Variants in USP34 observed in about 807,000 individuals in gnomAD.
USP34 encodes ubiquitin carboxyl-terminal hydrolase 34.
Under a neutral mutation model 460.3 loss-of-function variants are expected in USP34, and 70 were observed. The observed-to-expected ratio is 0.15, with a 90% CI of 0.13 to 0.19. The LOEUF (loss-of-function observed/expected upper bound fraction) is 0.19. Ranked by LOEUF, USP34 falls within the 10% of genes least tolerant of loss-of-function variation. The pLI, the probability that USP34 is intolerant of heterozygous loss-of-function variation, is 1.00. For synonymous variants in USP34, 1,647 were observed against 1,405.3 expected, an observed-to-expected ratio of 1.17 and a Z score of -3.85; for missense variants, 3,985 against 4,236.2, an observed-to-expected ratio of 0.94 and a Z score of 1.65.
chr2:61,413,978 G>A (rs1236123727), intron 2 of USP34, among the ~76,000 whole-genome samples: 1 of 150,276 alleles, frequency 6.7e-6, no homozygotes, highest in Admixed American at 6.7e-5. Context: ...AACAAAAGAG[G>A]CCGAGTGAGT....
At chr2:61,455,598 C>A (rs190910190) in intron 1 of USP34, among the ~76,000 whole-genome samples, 2 of 152,172 alleles carry the variant, frequency 1.3e-5, no homozygotes, top group East Asian at 3.9e-4. Flanking sequence ...CATACCAAGA[C>A]CCCCATCTCA....
intron 41 of USP34, among the ~76,000 whole-genome samples, chr2:61,272,896 A>G (rs892295892): frequency 6.6e-6 from 1 of 152,210 alleles, no homozygotes; most frequent in African/African-American, 2.4e-5. Flanking sequence ...TTGTGACATG[A>G]GTCTGCTTGG....
intron 1 of USP34, among the ~76,000 whole-genome samples, chr2:61,452,379 T>C (rs1241823774): frequency 1.4e-5 from 2 of 138,690 alleles, no homozygotes; most frequent in African/African-American, 5.4e-5. Flanking sequence ...GGCTAGAGTG[T>C]AGTGGCGCGA....
intron 20 of USP34, 41 bp downstream of exon 20, chr2:61,331,235 C>T (rs1367131381): frequency 5.3e-6 from 8 of 1,506,018 alleles, no homozygotes; most frequent in Admixed American, 1.9e-5. Flanking sequence ...AAAGGAAAGA[C>T]ATCGACACAA....
chr2:61,386,641 T>C (rs997105545), intron 5 of USP34, among the ~76,000 whole-genome samples: 1 of 151,740 alleles, frequency 6.6e-6, no homozygotes, highest in Non-Finnish European at 1.5e-5. Flanking sequence ...ATACAAAAAA[T>C]TAGCTGGGCG....
intron 10 of USP34, among the ~76,000 whole-genome samples, chr2:61,351,150 C>T (rs545627831): frequency 1.3e-5 from 2 of 151,998 alleles, no homozygotes; most frequent in African/African-American, 4.8e-5. Flanking sequence ...TCTCTTGATT[C>T]CAATGGAATT....
intron 10 of USP34, among the ~76,000 whole-genome samples, chr2:61,354,771 T>C (rs552756616): frequency 3.1e-4 from 47 of 152,326 alleles, no homozygotes; most frequent in African/African-American, 1.1e-3. Context: ...GCCTGGAGCC[T>C]GGGCCCAGGA....
chr2:61,447,730 T>C (rs531334987), intron 1 of USP34, among the ~76,000 whole-genome samples: 1 of 152,302 alleles, frequency 6.6e-6, no homozygotes, highest in East Asian at 1.9e-4. Flanking sequence ...ATTTATTTAT[T>C]TATTTGAGAC....
chr2:61,402,488 T>C (rs977400935), intron 3 of USP34, among the ~76,000 whole-genome samples: 4 of 152,174 alleles, frequency 2.6e-5, no homozygotes, highest in East Asian at 1.9e-4. Context: ...AGTAGTGCAG[T>C]AGAGTAAGAC....
intron 5 of USP34, among the ~76,000 whole-genome samples, chr2:61,389,321 G>C (rs1421838179): frequency 6.6e-6 from 1 of 152,088 alleles, no homozygotes; most frequent in African/African-American, 2.4e-5. Context: ...TTATCACTTT[G>C]TGTACGTTTC....
At position 61,339,465 on chromosome 2, in the gene USP34, T is replaced by G; in HGVS notation, c.2630A>C (p.Glu877Ala). 6.3e-7 allele frequency: 1 copy of G among 1,589,318 alleles called. No individual in the cohort carries two copies. The highest frequency in any genetic ancestry group is 8.6e-7 in the Non-Finnish European group (1 of 1,167,878). The change falls in exon 18 of 80, where the codon GAA becomes GCA. Residue 877 changes from glutamate (E) to alanine (A), a missense_variant. By Grantham distance (107) the Glu-to-Ala change is moderately radical (BLOSUM62 -1). This residue lies in a region of USP34 where 46 missense variants were observed against 83.1 expected (regional missense o/e 0.55). Transcript: ENST00000398571. ...TTTCTCTGCTTCATTTATTAATCCT[T>G]CAGAAAGATTAACCTATAAAAAATG... is the stretch of plus-strand genomic sequence containing the variant. The part of the protein sequence containing the change: ...VQDEDAVNLS[E>A]GLINEAEKLL...
At chr2:61,307,120 G>C (rs998755937) in intron 27 of USP34, among the ~76,000 whole-genome samples, 18 of 152,192 alleles carry the variant, frequency 1.2e-4, no homozygotes, top group South Asian at 1.0e-3. Flanking sequence ...ATACACCATG[G>C]AATACTATGC....
chr2:61,225,958 T>G (rs954568050), intron 62 of USP34, among the ~76,000 whole-genome samples: 1 of 152,208 alleles, frequency 6.6e-6, no homozygotes, highest in African/African-American at 2.4e-5. Context: ...AGGGCCATTT[T>G]ATTTACTTAT....
chr2:61,230,701 G>A (rs1687867420), intron 58 of USP34, among the ~76,000 whole-genome samples: 1 of 151,848 alleles, frequency 6.6e-6, no homozygotes, highest in African/African-American at 2.4e-5. Context: ...AAAATTAGCT[G>A]GGCACGGTGG....
intron 44 of USP34, among the ~76,000 whole-genome samples, chr2:61,258,259 G>A (rs1167495010): frequency 6.6e-6 from 1 of 152,156 alleles, no homozygotes; most frequent in Non-Finnish European, 1.5e-5. Flanking sequence ...GCAGTGTCGA[G>A]GTTGCCATGA....
At chr2:61,421,758 G>A (rs542483755) in intron 1 of USP34, among the ~76,000 whole-genome samples, 1 of 150,668 alleles carries the variant, frequency 6.6e-6, no homozygotes, top group South Asian at 2.2e-4. Flanking sequence ...TATATATGAG[G>A]TTAGTTTACA....
chr2:61,191,387 AG>A (rs1419868861), intron 76 of USP34: 1 of 150,248 alleles, frequency 6.7e-6, no homozygotes, highest in African/African-American at 2.5e-5. Context: ...GACAAAATTT[AG>A]ATTATATATA....
intron 68 of USP34, 56 bp downstream of exon 68, chr2:61,214,004 A>T: frequency 6.3e-7 from 1 of 1,596,050 alleles, no homozygotes; most frequent in Non-Finnish European, 8.5e-7. Flanking sequence ...CAGGGGAAAA[A>T]CAGGTATTTC....
Position 61,280,327 on chromosome 2 carries a change from G to A in USP34, c.5173C>T (p.Pro1725Ser). The change falls in exon 39 of 80, where the codon CCA becomes TCA. Residue 1725 changes from proline (P) to serine (S), a missense_variant. Physicochemically the swap from Pro to Ser is moderately conservative, Grantham distance 74 (BLOSUM62 -1). Coordinates refer to ENST00000398571, the MANE Select transcript of USP34 (RefSeq NM_014709.4). The stretch of plus-strand genomic sequence containing the variant: ...TCTTTACATCCTGGTTTTAATATTG[G>A]TTCTTCCTCATAATCATCTATCTAT... ...PIRIDDYEEEPILKPGCKEYF... is the reference protein window; with the variant it reads ...PIRIDDYEEESILKPGCKEYF... The A allele has an allele frequency of 6.5e-7, 1 of 1,531,054 alleles. No individual in the cohort carries two copies. The allele number at this position is 1,531,054 out of a possible 1,614,324, so 94.8% of individuals were successfully genotyped here.
Sources: gnomAD v4.1 joint callset for allele counts (sites outside exome capture counted in the v4.1 genomes callset) on GRCh38, gnomAD v4.1.1 for gene constraint, gnomAD v4.1.1 regional missense constraint, MANE v1.5 for transcripts, NCBI Gene and HGNC (gene_info 2026-07-23, HGNC 2026-07-21) for gene names.